The following OR8K3 variants were observed in gnomAD, a reference collection of about 807,000 sequenced individuals.
The protein encoded by OR8K3 is olfactory receptor 8K3.
For synonymous variants in OR8K3, 167 were observed against 138.8 expected (o/e 1.20, Z -1.43); for missense variants, 448 against 367.4 (o/e 1.22, Z -1.79).
At position 56,318,671 on chromosome 11, in the gene OR8K3, T is replaced by G. The variant is rs960193; in HGVS notation, c.365T>G (p.Leu122Arg). The part of the protein sequence containing the change: ...LFILSAMSYD[L>R]YVAICNPLLY... ...ATTCTCTCAGCCATGTCCTACGACC[T>G]CTATGTGGCCATCTGTAACCCTCTG... The change falls in exon 3 of 3, where the codon CTC (leucine) becomes CGC (arginine). Residue 122 changes from leucine (L) to arginine (R), a missense_variant. Coordinates refer to ENST00000641662, the MANE Select transcript of OR8K3 (RefSeq NM_001005202.2). 1,108,090 of 1,612,986 alleles carry G rather than the reference T, an allele frequency of 0.69. 383,458 individuals carry two copies. The highest frequency in any genetic ancestry group is 0.87 in the East Asian group (38,996 of 44,862).
chr11:56,318,405 G>T lies in OR8K3; in HGVS notation c.99G>T (p.Met33Ile). The change falls in exon 3 of 3, where the codon ATG becomes ATT. Residue 33 changes from methionine to isoleucine, a missense_variant. Met to Ile is a conservative substitution (Grantham distance 10). Coordinates refer to ENST00000641662, the MANE Select transcript of OR8K3 (RefSeq NM_001005202.2). ...LQAPLFALFLMIYVISVMGNL... is the reference protein window; with the variant it reads ...LQAPLFALFLIIYVISVMGNL... ...CACCATTATTTGCATTGTTCCTCAT[G>T]ATCTATGTGATCTCAGTGATGGGCA... is the stretch of plus-strand genomic sequence containing the variant. The T allele has an allele frequency of 6.2e-7, 1 of 1,613,832 alleles. No individual in the cohort carries two copies. The highest frequency in any genetic ancestry group is 1.6e-4 in the Middle Eastern group (1 of 6,062).
At position 56,319,354 on chromosome 11, in the gene OR8K3, G is replaced by A. The variant is rs1485786449; in HGVS notation, c.*109G>A. On this transcript the variant is annotated 3_prime_UTR_variant, in exon 3 of 3. Coordinates refer to ENST00000641662, the MANE Select transcript of OR8K3 (RefSeq NM_001005202.2). ...ACTGATTCAACATATATTTACATAT[G>A]TCTCATACATGATAGGCTCTTCTAA... The A allele has an allele frequency of 6.4e-6, 4 of 628,864 alleles. No homozygotes were observed. Among genetic ancestry groups the A allele is most frequent in the South Asian group, 4.0e-5 (2 of 49,792 alleles). 39.0% of individuals were successfully genotyped at this position (628,864 alleles called of 1,614,324 possible). A position where few individuals can be genotyped will look rare whatever the true frequency, so the allele number is the denominator to read the frequency against.
chr11:56,319,291 T>G lies in OR8K3; in HGVS notation c.*46T>G. On this transcript the variant is annotated 3_prime_UTR_variant, in exon 3 of 3. Transcript: ENST00000641662. Reference sequence around the variant, plus strand: ...TATAAATTAGGTTATGGGCATGAATTTTTGCTCTGCATACTTCCAGAAGAC... The same window carrying G: ...TATAAATTAGGTTATGGGCATGAATGTTTGCTCTGCATACTTCCAGAAGAC... The G allele has an allele frequency of 9.3e-7, 1 of 1,069,848 alleles. No individual in the cohort carries two copies. The highest frequency in any genetic ancestry group is 1.4e-6 in the Non-Finnish European group (1 of 723,290). The allele number at this position is 1,069,848 out of a possible 1,614,324, so 66.3% of individuals were successfully genotyped here. A position where few individuals can be genotyped will look rare whatever the true frequency, so the allele number is the denominator to read the frequency against.
chr11:56,318,380 C>A lies in OR8K3; in HGVS notation c.74C>A (p.Ala25Glu). Residue 25 changes from alanine (A) to glutamate (E), a missense_variant, in exon 3 of 3, where the codon GCA becomes GAA. Transcript: ENST00000641662. ...TGITDIAELQ[A>E]PLFALFLMIY... ...ATCACAGATATCGCTGAGCTGCAGGCACCATTATTTGCATTGTTCCTCATG... is the reference window on the plus strand; with the variant it reads ...ATCACAGATATCGCTGAGCTGCAGGAACCATTATTTGCATTGTTCCTCATG... 6.2e-7 allele frequency: 1 copy of A among 1,613,508 alleles called. No homozygotes were observed. Among genetic ancestry groups the A allele is most frequent in the Non-Finnish European group, 8.5e-7 (1 of 1,179,502 alleles).
rs2134868871 is a variant in OR8K3 at position 56,318,704 on chromosome 11, C to T, written c.398C>T (p.Thr133Ile). ...GCCATCTGTAACCCTCTGCTATACA[C>T]AGTAATCATGTCACGAAGGGTATGT... is the stretch of plus-strand genomic sequence containing the variant. ...YVAICNPLLY[T>I]VIMSRRVCQV... The change falls in exon 3 of 3, where the codon ACA (threonine) becomes ATA (isoleucine). Residue 133 changes from threonine to isoleucine, a missense_variant. Thr to Ile is a moderately conservative substitution (Grantham distance 89). Coordinates refer to ENST00000641662, the MANE Select transcript of OR8K3 (RefSeq NM_001005202.2). 6.2e-7 allele frequency: 1 copy of T among 1,613,954 alleles called. No individual in the cohort carries two copies.
At chr11:56,317,498 C>T (rs1854459603) in intron 2 of OR8K3, among the ~76,000 whole-genome samples, 1 of 152,056 alleles carries the variant, frequency 6.6e-6, no homozygotes, top group Non-Finnish European at 1.5e-5. Flanking sequence ...ATCTGTTATG[C>T]TGCTCTTACT....
chr11:56,319,376 C>T lies in OR8K3; in HGVS notation c.*131C>T. 1 of 608,328 alleles carries T rather than the reference C, an allele frequency of 1.6e-6. No individual in the cohort carries two copies. Among genetic ancestry groups the T allele is most frequent in the South Asian group, 2.1e-5 (1 of 48,030 alleles). 37.7% of individuals were successfully genotyped at this position (608,328 alleles called of 1,614,324 possible). A position where few individuals can be genotyped will look rare whatever the true frequency, so the allele number is the denominator to read the frequency against. ...TATGTCTCATACATGATAGGCTCTT[C>T]TAATTGCTATACATAGATTAATAAA... On this transcript the variant is annotated 3_prime_UTR_variant, in exon 3 of 3. Transcript: ENST00000641662.
intron 2 of OR8K3, among the ~76,000 whole-genome samples, chr11:56,317,349 A>G (rs1854457229): frequency 6.6e-6 from 1 of 152,104 alleles, no homozygotes; most frequent in South Asian, 2.1e-4. Flanking sequence ...ATTAGAACAA[A>G]CAGTTTTAGA....
Position 56,319,747 on chromosome 11 carries a change from T to C in OR8K3, c.*502T>C, listed in dbSNP as rs1213443930. On this transcript the variant is annotated 3_prime_UTR_variant, in exon 3 of 3. Transcript: ENST00000641662. The stretch of plus-strand genomic sequence containing the variant: ...TTGCATTTAATACTGGTTGTTTAGA[T>C]GATATGTGATGATTTTAAGTCTTAC... 6.5e-6 allele frequency: 1 copy of C among 154,556 alleles called. No individual in the cohort carries two copies. The highest frequency in any genetic ancestry group is 1.4e-5 in the Non-Finnish European group (1 of 69,526). The allele number at this position is 154,556 out of a possible 1,614,324, so 9.6% of individuals were successfully genotyped here. A position where few individuals can be genotyped will look rare whatever the true frequency, so the allele number is the denominator to read the frequency against.
rs377468856 is a variant in OR8K3, at chr11:56,318,351, G to A, written c.45G>A (p.Thr15=). Residue 15 remains threonine (T), a synonymous_variant, in exon 3 of 3, where the codon ACG becomes ACA. Transcript: ENST00000641662. ...CAACGGTGAATGAATTCATTCTTAC[G>A]GGAATCACAGATATCGCTGAGCTGC... ...NLTTVNEFIL[T]GITDIAELQA... is the part of the protein sequence containing the mutation. 14 of 1,613,772 alleles carry A rather than the reference G, an allele frequency of 8.7e-6. No homozygotes were observed. Among genetic ancestry groups the A allele is most frequent in the East Asian group, 2.2e-5 (1 of 44,854 alleles).
At chr11:56,317,320 T>G (rs1442183032) in intron 2 of OR8K3, among the ~76,000 whole-genome samples, 1 of 152,152 alleles carries the variant, frequency 6.6e-6, no homozygotes, top group African/African-American at 2.4e-5. Flanking sequence ...AATTCTGCAA[T>G]GACATGTTGG....
At chr11:56,317,826 T>C (rs1434929024) in intron 2 of OR8K3, among the ~76,000 whole-genome samples, 4 of 152,108 alleles carry the variant, frequency 2.6e-5, no homozygotes, top group African/African-American at 9.7e-5. Flanking sequence ...TCTCATATGA[T>C]TCTATCTGTT....
intron 1 of OR8K3, among the ~76,000 whole-genome samples, chr11:56,315,389 G>T (rs1349807910): frequency 6.6e-6 from 1 of 152,084 alleles, no homozygotes; most frequent in Non-Finnish European, 1.5e-5. Context: ...ATTTTACATG[G>T]TTTCACAGGC....
Position 56,319,057 on chromosome 11 carries a change from T to C in OR8K3, c.751T>C (p.Tyr251His). Residue 251 changes from tyrosine (Y) to histidine (H), a missense_variant, in exon 3 of 3, where the codon TAT becomes CAT. Transcript: ENST00000641662. Reference sequence around the variant, plus strand: ...CCACCTGACAGTGGTCATAGTGTTCTATGGGACTTTGCTTTTCATGTACGT... The same window carrying C: ...CCACCTGACAGTGGTCATAGTGTTCCATGGGACTTTGCTTTTCATGTACGT... ...GAHLTVVIVF[Y>H]GTLLFMYVQP... The C allele has an allele frequency of 6.2e-7, 1 of 1,614,162 alleles. No homozygotes were observed. The highest frequency in any genetic ancestry group is 8.5e-7 in the Non-Finnish European group (1 of 1,180,010).
chr11:56,317,585 T>G (rs546986187), intron 2 of OR8K3, among the ~76,000 whole-genome samples: 8 of 152,242 alleles, frequency 5.3e-5, no homozygotes, highest in Admixed American at 1.3e-4. Context: ...CACAGGATGA[T>G]GTTTTGAAGC....
Position 56,318,315 on chromosome 11 carries a change from A to C in OR8K3, c.9A>C (p.Gln3His). ...TTTTCTGATGAACCTGGATGGAACA[A>C]CACAATCTAACAACGGTGAATGAAT... ME[Q>H]HNLTTVNEFI... Residue 3 changes from glutamine (Q) to histidine (H), a missense_variant, in exon 3 of 3, where the codon CAA (glutamine) becomes CAC (histidine). Physicochemically the swap from Gln to His is conservative, Grantham distance 24. Transcript: ENST00000641662. The C allele has an allele frequency of 6.2e-7, 1 of 1,612,128 alleles. No individual in the cohort carries two copies. Among genetic ancestry groups the C allele is most frequent in the Non-Finnish European group, 8.5e-7 (1 of 1,178,350 alleles).
In OR8K3 at chr11:56,320,278, AT is replaced by A. The variant is rs1396171527; in HGVS notation, c.*1034del. ...TGATTTTTCTACTTGTACAAAGCAA[AT>A]AAAAGTAATAAAATGCACTACACCA... is the stretch of plus-strand genomic sequence containing the variant. On this transcript the variant is annotated 3_prime_UTR_variant, in exon 3 of 3. Transcript: ENST00000641662. 1 of 152,206 alleles carries A rather than the reference AT, an allele frequency of 6.6e-6. No homozygotes were observed. Among genetic ancestry groups the A allele is most frequent in the Non-Finnish European group, 1.5e-5 (1 of 68,024 alleles). 9.4% of individuals were successfully genotyped at this position (152,206 alleles called of 1,614,324 possible).
At position 56,318,999 on chromosome 11, in the gene OR8K3, T is replaced by G. The variant is rs1056189335; in HGVS notation, c.693T>G (p.Ala231=). 6.2e-7 allele frequency: 1 copy of G among 1,614,184 alleles called. No individual in the cohort carries two copies. The highest frequency in any genetic ancestry group is 1.7e-5 in the Admixed American group (1 of 60,020). Residue 231 remains alanine (A), a synonymous_variant, in exon 3 of 3, where the codon GCT becomes GCG. Coordinates refer to ENST00000641662, the MANE Select transcript of OR8K3 (RefSeq NM_001005202.2). ...TAGCCATTCTCAGGATGAATTCTGC[T>G]GGCAGACAAAAGGCTTTTTCTACCT... The part of the protein sequence containing the change: ...ILVAILRMNS[A]GRQKAFSTCG...
chr11:56,318,686 G>GC lies in OR8K3; in HGVS notation c.380_381insC (p.Asn128Ter). 6.2e-7 allele frequency: 1 copy of GC among 1,613,886 alleles called. No homozygotes were observed. The highest frequency in any genetic ancestry group is 8.5e-7 in the Non-Finnish European group (1 of 1,179,876). ...TCCTACGACCTCTATGTGGCCATCT[G>GC]TAACCCTCTGCTATACACAGTAATC... On this transcript the variant is annotated frameshift_variant, in exon 3 of 3. Coordinates refer to ENST00000641662, the MANE Select transcript of OR8K3 (RefSeq NM_001005202.2). LOFTEE classifies it low-confidence loss of function (END_TRUNC).
Sources: gnomAD v4.1 joint callset for allele counts (sites outside exome capture counted in the v4.1 genomes callset) on GRCh38, gnomAD v4.1.1 for gene constraint, MANE v1.5 for transcripts, NCBI Gene and HGNC (gene_info 2026-07-23, HGNC 2026-07-21) for gene names.